Variants in THEMIS observed in about 807,000 individuals in gnomAD.
The protein encoded by THEMIS is thymocyte selection associated.
Under a neutral mutation model 52.6 loss-of-function variants are expected in THEMIS, and 37 were observed. That is an observed-to-expected ratio of 0.70 (90% CI 0.54 to 0.93). THEMIS has a LOEUF of 0.93. THEMIS is among the 40% of genes least tolerant of loss of function. THEMIS has a pLI of 0.00. For missense variants in THEMIS, 808 were observed against 763.1 expected, an observed-to-expected ratio of 1.06 and a Z score of -0.69; for synonymous variants, 292 against 272.7, an observed-to-expected ratio of 1.07 and a Z score of -0.70.
intron 1 of THEMIS, among the ~76,000 whole-genome samples, chr6:127,908,508 G>A (rs1399436678): frequency 6.6e-6 from 1 of 152,146 alleles, no homozygotes; most frequent in Non-Finnish European, 1.5e-5. Context: ...CGGTGCCACA[G>A]AACAGGAGCA....
chr6:127,889,380 TA>T (rs1273656155), intron 1 of THEMIS, among the ~76,000 whole-genome samples: 1 of 152,106 alleles, frequency 6.6e-6, no homozygotes, highest in Non-Finnish European at 1.5e-5. Flanking sequence ...ACTGCTCACT[TA>T]AAGAACTGAA....
At chr6:127,901,190 C>A, upstream of THEMIS, 1 of 535,888 alleles carries the variant, frequency 1.9e-6, no homozygotes, top group Admixed American at 3.2e-5. Flanking sequence ...TGAAGTTGAA[C>A]AGGATGGGGG....
At chr6:127,706,713 T>C (rs1262539180), downstream of THEMIS, among the ~76,000 whole-genome samples, 1 of 151,694 alleles carries the variant, frequency 6.6e-6, no homozygotes, top group Non-Finnish European at 1.5e-5. Flanking sequence ...AGAGTTGAGG[T>C]TACAGTTTGA....
intron 4 of THEMIS, among the ~76,000 whole-genome samples, chr6:127,793,341 A>T (rs919365371): frequency 5.9e-5 from 9 of 152,234 alleles, no homozygotes; most frequent in African/African-American, 2.2e-4. Context: ...TGCATATCTG[A>T]TAGAATGACA....
chr6:127,779,163 G>A (rs779203848), intron 4 of THEMIS, among the ~76,000 whole-genome samples: 3 of 152,084 alleles, frequency 2.0e-5, no homozygotes, highest in Admixed American at 6.6e-5. Flanking sequence ...AGGGTTCAAC[G>A]TGTTCCTCTA....
chr6:127,731,694 C>CTTT (rs34588130), intron 4 of THEMIS, among the ~76,000 whole-genome samples: 15 of 93,396 alleles, frequency 1.6e-4, no homozygotes, highest in Admixed American at 3.4e-4. Flanking sequence ...TTTATTGCTA[C>CTTT]TTTTTTTTTT....
At chr6:127,720,866 C>A (rs1024782482) in intron 4 of THEMIS, among the ~76,000 whole-genome samples, 5 of 151,726 alleles carry the variant, frequency 3.3e-5, no homozygotes, top group African/African-American at 1.2e-4. Flanking sequence ...CAGTGTTCTT[C>A]ATGATTGATT....
intron 2 of THEMIS, among the ~76,000 whole-genome samples, chr6:127,847,442 G>A (rs1779257528): frequency 6.6e-6 from 1 of 151,924 alleles, no homozygotes; most frequent in Non-Finnish European, 1.5e-5. Context: ...AAAGTCTCAG[G>A]TTACAAAATC....
chr6:127,791,459 A>G (rs1189844605), intron 4 of THEMIS, among the ~76,000 whole-genome samples: 1 of 152,102 alleles, frequency 6.6e-6, no homozygotes, highest in Admixed American at 6.5e-5. Flanking sequence ...CAAGATTTTT[A>G]TGGGCTTAAG....
At chr6:127,889,854 A>C (rs1444432937) in intron 1 of THEMIS, among the ~76,000 whole-genome samples, 1 of 152,114 alleles carries the variant, frequency 6.6e-6, no homozygotes, top group Non-Finnish European at 1.5e-5. Context: ...GAATTGTTAT[A>C]ATCTAATTCT....
chr6:127,826,508 T>C (rs1778511606), intron 3 of THEMIS, among the ~76,000 whole-genome samples: 1 of 152,116 alleles, frequency 6.6e-6, no homozygotes, highest in South Asian at 2.1e-4. Flanking sequence ...ACCTCCCAAA[T>C]TTGAGAGGCA....
At chr6:127,821,669 A>G (rs564472397) in intron 3 of THEMIS, among the ~76,000 whole-genome samples, 4 of 151,822 alleles carry the variant, frequency 2.6e-5, no homozygotes, top group Non-Finnish European at 4.4e-5. Flanking sequence ...GTGCTTTTCT[A>G]TATTTGCCAC....
intron 4 of THEMIS, among the ~76,000 whole-genome samples, chr6:127,800,422 A>G (rs1001287871): frequency 1.3e-5 from 2 of 152,232 alleles, no homozygotes; most frequent in African/African-American, 4.8e-5. Flanking sequence ...TCCCTAGCTT[A>G]GATTTCTTTC....
At chr6:127,890,335 G>A (rs198526) in intron 1 of THEMIS, among the ~76,000 whole-genome samples, 75,148 of 151,956 alleles carry the variant, frequency 0.49, 19,104 homozygotes, top group Non-Finnish European at 0.57. Context: ...AAAATAGATT[G>A]ATAGTTAATA....
intron 1 of THEMIS, among the ~76,000 whole-genome samples, chr6:127,885,983 A>G (rs1338799263): frequency 1.3e-5 from 2 of 151,976 alleles, no homozygotes; most frequent in African/African-American, 4.8e-5. Flanking sequence ...GGACATTGCA[A>G]TGTCCAAAAG....
intron 4 of THEMIS, among the ~76,000 whole-genome samples, chr6:127,760,297 T>A (rs1025208027): frequency 1.3e-5 from 2 of 152,178 alleles, no homozygotes; most frequent in Admixed American, 1.3e-4. Flanking sequence ...ATTTGTAATA[T>A]ATTTTGAAAT....
upstream of THEMIS, among the ~76,000 whole-genome samples, chr6:127,902,839 T>G (rs943087550): frequency 6.6e-6 from 1 of 152,036 alleles, no homozygotes; most frequent in Admixed American, 6.6e-5. Context: ...CCTTAAAAAT[T>G]ATGAATCCGT....
chr6:127,841,122 GA>G lies in THEMIS; in HGVS notation c.251-11189del, dbSNP rs771014384. Among the ~76,000 whole-genome samples, 105 of 152,128 alleles carry G rather than the reference GA, an allele frequency of 6.9e-4. 1 individual carries two copies. Among genetic ancestry groups the G allele is most frequent in the Non-Finnish European group, 1.2e-3 (83 of 67,978 alleles). ...CTTTGAGTGAAGATGATGTGTCAAT[GA>G]AGGTTCACTACTTGCAACAAATGTA... On this transcript the variant is annotated intron_variant, in intron 2 of 5. Coordinates refer to ENST00000368248, the MANE Select transcript of THEMIS (RefSeq NM_001010923.3).
At chr6:127,756,083 A>T (rs1169062705) in intron 4 of THEMIS, among the ~76,000 whole-genome samples, 2 of 151,918 alleles carry the variant, frequency 1.3e-5, no homozygotes, top group East Asian at 3.9e-4. Context: ...AAACCAAAAA[A>T]CCCAGAAATT....
Sources: allele counts gnomAD v4.1 joint callset (sites outside exome capture counted in the v4.1 genomes callset), GRCh38; gene constraint gnomAD v4.1.1; transcripts MANE v1.5; gene names NCBI Gene and HGNC (gene_info 2026-07-23, HGNC 2026-07-21).